The following NXPE2 variants were observed in gnomAD, a reference collection of about 807,000 sequenced individuals.
NXPE2 encodes NXPE family member 2.
NXPE2 carries 34 observed loss-of-function variants against 34.4 expected under a neutral mutation model. The observed-to-expected ratio is 0.99, with a 90% CI of 0.75 to 1.31. The LOEUF (loss-of-function observed/expected upper bound fraction) is 1.31, where lower values mean the gene tolerates loss of function less well. NXPE2 is among the 40% of genes most tolerant of loss of function. The pLI is 0.00. For synonymous variants in NXPE2, 235 were observed against 231.3 expected (o/e 1.02, Z -0.15); for missense variants, 649 against 672.5 (o/e 0.97, Z 0.39).
intron 3 of NXPE2, 137 bp from the exon 4 acceptor site, chr11:114,703,854 C>A: frequency 1.5e-6 from 1 of 656,190 alleles, no homozygotes; most frequent in Non-Finnish European, 2.7e-6. Flanking sequence ...CCATTAACTT[C>A]CCCAGGATAT....
the NXPE2 span, among the ~76,000 whole-genome samples, chr11:114,553,473 G>A: frequency 1.3e-5 from 2 of 152,162 alleles, no homozygotes; most frequent in Admixed American, 1.3e-4. Context: ...TTTGAGAGTG[G>A]CCAGAGAGCT....
chr11:114,664,989 A>G, the NXPE2 span, among the ~76,000 whole-genome samples: 1 of 152,172 alleles, frequency 6.6e-6, no homozygotes, highest in South Asian at 2.1e-4. Flanking sequence ...TGCATTTTCA[A>G]CTTAGGATAT....
At chr11:114,564,092 G>GTA in the NXPE2 span, among the ~76,000 whole-genome samples, 15 of 152,140 alleles carry the variant, frequency 9.9e-5, no homozygotes, top group South Asian at 6.2e-4. Flanking sequence ...AGAAAATGTG[G>GTA]TATATATATA....
chr11:114,484,815 T>G, the NXPE2 span, among the ~76,000 whole-genome samples: 1 of 152,220 alleles, frequency 6.6e-6, no homozygotes, highest in Non-Finnish European at 1.5e-5. Context: ...ATGTTCTTAT[T>G]TCTATTTGTT....
At chr11:114,697,948 C>A in intron 2 of NXPE2, 97 bp from the exon 3 acceptor site, 1 of 1,134,614 alleles carries the variant, frequency 8.8e-7, no homozygotes, top group Non-Finnish European at 1.2e-6. Context: ...TTTAATTTAT[C>A]ACACTGAAAG....
At chr11:114,474,705 T>C in the NXPE2 span, among the ~76,000 whole-genome samples, 1 of 152,202 alleles carries the variant, frequency 6.6e-6, no homozygotes, top group Middle Eastern at 3.4e-3. Context: ...GCAATAAAGG[T>C]GAAAAACGGT....
the NXPE2 span, among the ~76,000 whole-genome samples, chr11:114,796,998 G>A: frequency 6.6e-6 from 1 of 152,216 alleles, no homozygotes; most frequent in African/African-American, 2.4e-5. Flanking sequence ...CAGAAAGCTG[G>A]AGATGTAAAC....
chr11:114,568,800 T>C, the NXPE2 span, among the ~76,000 whole-genome samples: 1 of 152,222 alleles, frequency 6.6e-6, no homozygotes, highest in Non-Finnish European at 1.5e-5. Flanking sequence ...CTATCACTGA[T>C]GTGATATGCT....
chr11:114,783,371 C>T, the NXPE2 span, among the ~76,000 whole-genome samples: 1 of 152,280 alleles, frequency 6.6e-6, no homozygotes, highest in Non-Finnish European at 1.5e-5. Flanking sequence ...CCTTTGAATG[C>T]CTGACATGTA....
chr11:114,563,698 T>C, the NXPE2 span, among the ~76,000 whole-genome samples: 1 of 152,150 alleles, frequency 6.6e-6, no homozygotes, highest in African/African-American at 2.4e-5. Context: ...GATTTAGGAA[T>C]GGCCAACAAA....
the NXPE2 span, chr11:114,583,015 A>G: frequency 2.7e-5 from 44 of 1,605,856 alleles, no homozygotes; most frequent in South Asian, 1.0e-4. Context: ...TTTAGAGCAG[A>G]CCAAACCTGA....
the NXPE2 span, among the ~76,000 whole-genome samples, chr11:114,487,539 A>G: frequency 6.6e-6 from 1 of 152,094 alleles, no homozygotes; most frequent in Non-Finnish European, 1.5e-5. Flanking sequence ...TCTAGCTAGG[A>G]CTTCCCATCC....
rs546823508 is a variant in NXPE2 at position 114,690,859 on chromosome 11, G to A, written c.133-7186G>A. Among the ~76,000 whole-genome samples, 13 of 151,648 alleles carry A rather than the reference G, an allele frequency of 8.6e-5. No homozygotes were observed. The East Asian group carries it at 1.9e-3, about 23-fold the overall frequency. On this transcript the variant is annotated intron_variant, in intron 2 of 5. Coordinates refer to ENST00000389586, the MANE Select transcript of NXPE2 (RefSeq NM_182495.6). ...TTGATCTCTAAAATTCCTTCTGCTT[G>A]GTCTAGACCATTGTTAAGGTTTCCA...
the NXPE2 span, among the ~76,000 whole-genome samples, chr11:114,636,461 C>T: frequency 6.6e-6 from 1 of 151,882 alleles, no homozygotes; most frequent in Admixed American, 6.6e-5. Flanking sequence ...TCTCTATTTC[C>T]TTCAGTTCTG....
At chr11:114,632,176 TATAATA>T in the NXPE2 span, among the ~76,000 whole-genome samples, 26 of 140,986 alleles carry the variant, frequency 1.8e-4, 1 homozygote, top group Non-Finnish European at 3.7e-4. Context: ...TCATATAATA[TATAATA>T]AATAAATGAT....
At chr11:114,662,833 AG>A in the NXPE2 span, among the ~76,000 whole-genome samples, 1 of 152,182 alleles carries the variant, frequency 6.6e-6, no homozygotes, top group Admixed American at 6.5e-5. Context: ...GAAAGGACCC[AG>A]TCCTGGCAAC....
chr11:114,631,731 G>T, the NXPE2 span, among the ~76,000 whole-genome samples: 1 of 151,832 alleles, frequency 6.6e-6, no homozygotes, highest in African/African-American at 2.4e-5. Context: ...AATAAGTATT[G>T]CCTCGTGGGT....
the NXPE2 span, among the ~76,000 whole-genome samples, chr11:114,735,867 C>G: frequency 6.6e-6 from 1 of 152,182 alleles, no homozygotes; most frequent in Non-Finnish European, 1.5e-5. Context: ...AGGCAAAATT[C>G]ACCCCCGATA....
the NXPE2 span, among the ~76,000 whole-genome samples, chr11:114,572,651 C>T: frequency 6.6e-6 from 1 of 152,148 alleles, no homozygotes; most frequent in African/African-American, 2.4e-5. Flanking sequence ...AGAATTAACT[C>T]AATCCATCAA....
Sources: gnomAD v4.1 joint callset for allele counts (sites outside exome capture counted in the v4.1 genomes callset) on GRCh38, gnomAD v4.1.1 for gene constraint, MANE v1.5 for transcripts, NCBI Gene and HGNC (gene_info 2026-07-23, HGNC 2026-07-21) for gene names.